TTC27: variants seen among roughly 807,000 people sequenced by gnomAD.
The protein encoded by TTC27 is tetratricopeptide repeat protein 27.
Under a neutral mutation model 115.9 loss-of-function variants are expected in TTC27, and 79 were observed. The ratio of observed to expected loss-of-function variants is 0.68; its 90% confidence interval spans 0.57 to 0.82. The LOEUF is 0.82. TTC27 is among the 40% of genes least tolerant of loss of function. The pLI, the probability that TTC27 is intolerant of heterozygous loss-of-function variation, is 0.00. For missense variants in TTC27, 1,054 were observed against 993.1 expected, an observed-to-expected ratio of 1.06 and a Z score of -0.82; for synonymous variants, 401 against 356.0, an observed-to-expected ratio of 1.13 and a Z score of -1.42.
chr2:32,719,600 T>G (rs911075701), intron 10 of TTC27, among the ~76,000 whole-genome samples: 2 of 152,184 alleles, frequency 1.3e-5, no homozygotes, highest in Non-Finnish European at 2.9e-5. Flanking sequence ...CATCTTAACT[T>G]GAGAATAATT....
chr2:32,798,722 T>TA, intron 16 of TTC27, among the ~76,000 whole-genome samples: 2 of 136,006 alleles, frequency 1.5e-5, no homozygotes, highest in Admixed American at 1.5e-4. Flanking sequence ...AAAATAATAA[T>TA]AATAATAATA....
At chr2:32,710,329 CTT>C (rs1403991622) in intron 10 of TTC27, among the ~76,000 whole-genome samples, 2 of 151,688 alleles carry the variant, frequency 1.3e-5, no homozygotes, top group East Asian at 3.9e-4. Context: ...CTTTCAGTAA[CTT>C]TGGCAAATAA....
intron 16 of TTC27, among the ~76,000 whole-genome samples, chr2:32,792,894 C>T (rs1670584334): frequency 6.6e-6 from 1 of 152,236 alleles, no homozygotes; most frequent in African/African-American, 2.4e-5. Context: ...AATTGCCGCT[C>T]CTCTATGTGA....
At chr2:32,637,693 C>A (rs1199763139) in intron 3 of TTC27, among the ~76,000 whole-genome samples, 1 of 152,078 alleles carries the variant, frequency 6.6e-6, no homozygotes, top group Non-Finnish European at 1.5e-5. Flanking sequence ...TTGGCTTGGG[C>A]TTTAGGAAAT....
chr2:32,630,002 T>A (rs1157162476), intron 1 of TTC27, among the ~76,000 whole-genome samples: 1 of 152,072 alleles, frequency 6.6e-6, no homozygotes, highest in East Asian at 1.9e-4. Context: ...TTGAGCTGAT[T>A]TTGGATTAAA....
intron 2 of TTC27, among the ~76,000 whole-genome samples, chr2:32,631,162 G>C (rs1233760200): frequency 6.6e-6 from 1 of 152,124 alleles, no homozygotes; most frequent in Non-Finnish European, 1.5e-5. Flanking sequence ...AATTAGCTGG[G>C]CATGGTGGCA....
chr2:32,753,982 G>A (rs933282990), intron 12 of TTC27, among the ~76,000 whole-genome samples: 7 of 152,022 alleles, frequency 4.6e-5, no homozygotes, highest in African/African-American at 1.2e-4. Flanking sequence ...GGCTGAGGCT[G>A]GAGAATCGCT....
intron 7 of TTC27, among the ~76,000 whole-genome samples, chr2:32,668,947 C>T (rs967679748): frequency 3.3e-5 from 5 of 151,882 alleles, no homozygotes; most frequent in Non-Finnish European, 5.9e-5. Context: ...GGAGTGGTGG[C>T]AGGCGCCTGT....
chr2:32,798,713 A>ATAAT (rs1553321533), intron 16 of TTC27, among the ~76,000 whole-genome samples: 1 of 142,348 alleles, frequency 7.0e-6, no homozygotes, highest in Non-Finnish European at 1.5e-5. Context: ...TCAAAAAAAA[A>ATAAT]AATAATAATA....
At chr2:32,778,210 T>C (rs1269299847) in intron 14 of TTC27, among the ~76,000 whole-genome samples, 2 of 152,226 alleles carry the variant, frequency 1.3e-5, no homozygotes, top group Admixed American at 1.3e-4. Context: ...AAAATATACT[T>C]CACTGAATGT....
intron 8 of TTC27, among the ~76,000 whole-genome samples, chr2:32,676,823 C>T (rs906912010): frequency 7.9e-5 from 12 of 151,598 alleles, no homozygotes; most frequent in Admixed American, 6.6e-4. Flanking sequence ...TATTTATATA[C>T]ATTTATATGC....
At chr2:32,754,784 C>A (rs1202077147) in intron 12 of TTC27, among the ~76,000 whole-genome samples, 1 of 148,742 alleles carries the variant, frequency 6.7e-6, no homozygotes. Flanking sequence ...TGACCTCCCC[C>A]ACCTCCCTCC....
chr2:32,711,221 G>A (rs148855823), intron 10 of TTC27, among the ~76,000 whole-genome samples: 29 of 151,738 alleles, frequency 1.9e-4, no homozygotes, highest in Admixed American at 6.6e-4. Flanking sequence ...TTTGGGGTTC[G>A]TTCATTTTGC....
intron 9 of TTC27, among the ~76,000 whole-genome samples, chr2:32,697,372 TC>T (rs1667023900): frequency 6.6e-6 from 1 of 152,148 alleles, no homozygotes; most frequent in Non-Finnish European, 1.5e-5. Flanking sequence ...ATCTGATGAG[TC>T]ACAATTTGGG....
intron 8 of TTC27, among the ~76,000 whole-genome samples, chr2:32,678,584 C>T (rs555024422): frequency 2.5e-4 from 38 of 151,876 alleles, no homozygotes; most frequent in Non-Finnish European, 2.9e-4. Context: ...CTTGCCACCA[C>T]GGCAGGCTAA....
Position 32,636,358 on chromosome 2 carries a change from T to C in TTC27, c.396+2353T>C, listed in dbSNP as rs530235561. Among the ~76,000 whole-genome samples, 170 of 152,160 alleles carry C rather than the reference T, an allele frequency of 1.1e-3. 3 individuals carry two copies. The highest frequency in any genetic ancestry group is 2.1e-3 in the Non-Finnish European group (144 of 67,994). On this transcript the variant is annotated intron_variant, in intron 3 of 19. Coordinates refer to ENST00000317907, the MANE Select transcript of TTC27 (RefSeq NM_017735.5). ...CCTCCCAAGCAGCTGGGACTACAGG[T>C]GCTCACCACCACGCCCGGCTAATTT...
At position 32,782,665 on chromosome 2, in the gene TTC27, C is replaced by T. The variant is rs769072122; in HGVS notation, c.1819C>T (p.Arg607Ter). Residue 607 changes from arginine to a stop codon, truncating the protein, a stop_gained, in exon 15 of 20, where the codon CGA becomes TGA. Transcript: ENST00000317907. LOFTEE classifies it high-confidence loss of function. ...GAACAATTTGTCAACTTCCTATATC[C>T]GATTAAAACAAAAGTAAGTACATCA... Reference protein sequence around the residue: ...AWNNLSTSYIRLKQKVKAFRT... With the variant: ...AWNNLSTSYI The T allele has an allele frequency of 1.2e-5, 19 of 1,610,600 alleles. No individual in the cohort carries two copies. Among genetic ancestry groups the T allele is most frequent in the Admixed American group, 8.4e-5 (5 of 59,784 alleles).
At chr2:32,654,965 G>A (rs540901608) in intron 5 of TTC27, among the ~76,000 whole-genome samples, 29 of 150,818 alleles carry the variant, frequency 1.9e-4, no homozygotes, top group Non-Finnish European at 3.5e-4. Flanking sequence ...CAAAGTGCTT[G>A]GATTACAGGC....
intron 13 of TTC27, among the ~76,000 whole-genome samples, chr2:32,761,491 A>G (rs553559873): frequency 6.6e-6 from 1 of 152,168 alleles, no homozygotes; most frequent in African/African-American, 2.4e-5. Context: ...AATGGCTCTC[A>G]AGACTTTCCC....
Sources: allele counts gnomAD v4.1 joint callset (sites outside exome capture counted in the v4.1 genomes callset), GRCh38; gene constraint gnomAD v4.1.1; transcripts MANE v1.5; gene names NCBI Gene and HGNC (gene_info 2026-07-23, HGNC 2026-07-21).